DYRK4: variants seen among roughly 807,000 people sequenced by gnomAD.
DYRK4 encodes dual specificity tyrosine-phosphorylation-regulated kinase 4.
Under a neutral mutation model 68.3 loss-of-function variants are expected in DYRK4, and 64 were observed. The ratio of observed to expected loss-of-function variants is 0.94; its 90% CI spans 0.77 to 1.15. The LOEUF is 1.15. Among genes scored for constraint, DYRK4 ranks in the 50% most tolerant of loss-of-function variants. The pLI is 0.00. For missense variants in DYRK4, 740 were observed against 764.7 expected (o/e 0.97, Z 0.38); for synonymous variants, 274 against 289.9 (o/e 0.95, Z 0.56).
chr12:4,568,493 C>T lies in DYRK4; in HGVS notation c.132+445C>T, dbSNP rs560852224. Among the ~76,000 whole-genome samples the T allele has an allele frequency of 1.4e-4, 22 of 152,060 alleles. No individual in the cohort carries two copies. The South Asian group carries it at 4.1e-3, about 29-fold the overall frequency. On this transcript the variant is annotated intron_variant, in intron 2 of 14. Transcript: ENST00000543431. ...CTCCACCTCCTGGGTTCAAGCGATTCTCCTGCCTCAGCCTCCCAAGTAGCT... is the reference window on the plus strand; with the variant it reads ...CTCCACCTCCTGGGTTCAAGCGATTTTCCTGCCTCAGCCTCCCAAGTAGCT...
intron 2 of DYRK4, chr12:4,573,294 G>A (rs768929021): frequency 9.1e-5 from 117 of 1,288,954 alleles, no homozygotes; most frequent in Non-Finnish European, 1.2e-4. Context: ...GGGTCCTGAA[G>A]GAGAGTTTTA....
At chr12:4,599,322 G>A (rs1945054911) in intron 9 of DYRK4, among the ~76,000 whole-genome samples, 156 bp downstream of exon 9, 1 of 137,258 alleles carries the variant, frequency 7.3e-6, no homozygotes, top group Non-Finnish European at 1.5e-5. Context: ...AGTATATCAA[G>A]GGAGGGCATT....
chr12:4,603,047 C>T (rs1210077861), intron 10 of DYRK4: 1 of 1,047,048 alleles, frequency 9.6e-7, no homozygotes, highest in Non-Finnish European at 1.4e-6. Context: ...CATAATGTAT[C>T]ACCTTACTTC....
rs903523440 is a variant in DYRK4 at position 4,593,099 on chromosome 12, G to C, written c.561G>C (p.Lys187Asn). The C allele has an allele frequency of 4.3e-6, 7 of 1,614,194 alleles. No homozygotes were observed. Among genetic ancestry groups the C allele is most frequent in the East Asian group, 4.5e-5 (2 of 44,876 alleles). Residue 187 changes from lysine to asparagine, a missense_variant, in exon 6 of 15, where the codon AAG becomes AAC. This residue lies in a region of DYRK4 where 614 missense variants were observed against 603.7 expected (regional missense o/e 1.02). Coordinates refer to ENST00000543431, the MANE Select transcript of DYRK4 (RefSeq NM_001394779.1). ...GGTTCCTGGGTCTTGAAGCCAAGAA[G>C]CTCGACACGGCTCCTGAGAAATTTA... is the stretch of plus-strand genomic sequence containing the variant. Reference protein sequence around the residue: ...ELWFLGLEAKKLDTAPEKFSK... With the variant: ...ELWFLGLEAKNLDTAPEKFSK...
At position 4,593,822 on chromosome 12, in the gene DYRK4, C is replaced by T. The variant is rs534024280; in HGVS notation, c.627+657C>T. ...TGTGGGCTGTCAGGAATTTCCTCTT[C>T]GGAACATTTCATTGCAACTTGGATT... On this transcript the variant is annotated intron_variant, in intron 6 of 14. Coordinates refer to ENST00000543431, the MANE Select transcript of DYRK4 (RefSeq NM_001394779.1). 1.6e-4 allele frequency among the ~76,000 whole-genome samples: 25 copies of T among 152,262 alleles called. No homozygotes were observed. In the East Asian group the frequency reaches 3.5e-3, roughly 21 times the overall value.
At position 4,591,011 on chromosome 12, in the gene DYRK4, G is replaced by A. The variant is rs1169306430; in HGVS notation, c.325-149G>A. On this transcript the variant is annotated intron_variant, in intron 4 of 14. Coordinates refer to ENST00000543431, the MANE Select transcript of DYRK4 (RefSeq NM_001394779.1). The surrounding 1 kb of genome is among the most constrained non-coding windows in gnomAD (Gnocchi z 4.1). Reference sequence around the variant, plus strand: ...GCTTCCTTTGGGAGAGAGGTAGGGAGAACCTTCTGTCTCTTAATCGCTGTT... The same window carrying A: ...GCTTCCTTTGGGAGAGAGGTAGGGAAAACCTTCTGTCTCTTAATCGCTGTT... 2.2e-6 allele frequency: 2 copies of A among 900,788 alleles called. No homozygotes were observed. The highest frequency in any genetic ancestry group is 3.3e-6 in the Non-Finnish European group (2 of 606,988). 55.8% of individuals were successfully genotyped at this position (900,788 alleles called of 1,614,324 possible).
chr12:4,598,201 C>A (rs530580973), intron 8 of DYRK4, among the ~76,000 whole-genome samples: 2 of 152,268 alleles, frequency 1.3e-5, no homozygotes, highest in African/African-American at 4.8e-5. Context: ...CAGAGCAAGA[C>A]CCCATCTCTA....
At chr12:4,564,419 C>T (rs941593513) in intron 1 of DYRK4, 1 of 152,174 alleles carries the variant, frequency 6.6e-6, no homozygotes. Context: ...CACTGCCATA[C>T]TTTCTGCCCC....
intron 11 of DYRK4, among the ~76,000 whole-genome samples, chr12:4,605,998 C>A (rs977632081): frequency 1.2e-4 from 18 of 152,012 alleles, no homozygotes; most frequent in African/African-American, 4.4e-4. Flanking sequence ...ATGTTGAAAA[C>A]AAAGAATTGG....
rs182553128 is a variant in DYRK4 at position 4,599,730 on chromosome 12, G to A, written c.1068G>A (p.Lys356=). 5.6e-4 allele frequency: 906 copies of A among 1,613,998 alleles called. 5 individuals are homozygous for A. The highest frequency in any genetic ancestry group is 3.0e-3 in the Admixed American group (179 of 60,012). ...LKPENIVLYQ[K]GQASVKVIDF... ...AGGAAAATATAGTGCTATACCAAAAGGGCCAAGCCTCTGTTAAAGTCATTG... is the reference window on the plus strand; with the variant it reads ...AGGAAAATATAGTGCTATACCAAAAAGGCCAAGCCTCTGTTAAAGTCATTG... Residue 356 remains lysine, a synonymous_variant, in exon 10 of 15, where the codon AAG becomes AAA. Coordinates refer to ENST00000543431, the MANE Select transcript of DYRK4 (RefSeq NM_001394779.1).
chr12:4,612,841 GTTTT>G, intron 14 of DYRK4, 123 bp downstream of exon 14: 1 of 1,078,028 alleles, frequency 9.3e-7, no homozygotes, highest in Non-Finnish European at 1.4e-6. Flanking sequence ...TAAAATCTTT[GTTTT>G]TAATATTCTG....
intron 6 of DYRK4, among the ~76,000 whole-genome samples, chr12:4,594,756 G>T (rs1016308010): frequency 6.6e-6 from 1 of 150,468 alleles, no homozygotes; most frequent in Non-Finnish European, 1.5e-5. Context: ...GGGACAATGT[G>T]TGTTCTCCGT....
At chr12:4,605,954 G>A (rs990219527) in intron 11 of DYRK4, among the ~76,000 whole-genome samples, 2 of 151,928 alleles carry the variant, frequency 1.3e-5, no homozygotes, top group African/African-American at 4.8e-5. Context: ...CTAAAATTAT[G>A]TTTACCAGCC....
Position 4,591,326 on chromosome 12 carries a change from G to C in DYRK4, c.463+28G>C. On this transcript the variant is annotated intron_variant, in intron 5 of 14. Transcript: ENST00000543431. The surrounding 1 kb of genome is among the most constrained non-coding windows in gnomAD (Gnocchi z 4.1). Reference sequence around the variant, plus strand: ...ATGCCTTTGGGGCAGTAGCAGGGTGGGGAGGTGCTTATGGAAGGTCGGGGT... The same window carrying C: ...ATGCCTTTGGGGCAGTAGCAGGGTGCGGAGGTGCTTATGGAAGGTCGGGGT... 1 of 1,611,490 alleles carries C rather than the reference G, an allele frequency of 6.2e-7. No individual in the cohort carries two copies. The highest frequency in any genetic ancestry group is 1.1e-5 in the South Asian group (1 of 90,660).
chr12:4,608,869 C>A (rs1037874947), intron 12 of DYRK4, among the ~76,000 whole-genome samples: 1 of 152,324 alleles, frequency 6.6e-6, no homozygotes, highest in African/African-American at 2.4e-5. Flanking sequence ...AGCAATCTGG[C>A]GGTAGGCAAA....
rs776127534 is a variant in DYRK4 at position 4,596,305 on chromosome 12, T to C, written c.764+20T>C. ...GAAGAGGTGTGGCTTGGGGATGACA[T>C]AGGCCACAGAGGAGGGACTGCGTGA... On this transcript the variant is annotated intron_variant, in intron 7 of 14. Transcript: ENST00000543431. The C allele has an allele frequency of 3.0e-5, 49 of 1,613,852 alleles. No individual in the cohort carries two copies. Among genetic ancestry groups the C allele is most frequent in the Non-Finnish European group, 3.5e-5 (41 of 1,179,928 alleles).
intron 1 of DYRK4, among the ~76,000 whole-genome samples, chr12:4,564,983 G>C (rs937122480): frequency 6.6e-6 from 1 of 152,214 alleles, no homozygotes; most frequent in African/African-American, 2.4e-5. Context: ...CGAGGAAAGA[G>C]AGGAAGGGGA....
chr12:4,589,471 C>T lies in DYRK4; in HGVS notation c.213+454C>T, dbSNP rs182303673. On this transcript the variant is annotated intron_variant, in intron 3 of 14. Coordinates refer to ENST00000543431, the MANE Select transcript of DYRK4 (RefSeq NM_001394779.1). ...ACCCATTAACCATCCCCACCTCTCCCCTGACCACTACCCTTCCCAGCCTCT... is the reference window on the plus strand; with the variant it reads ...ACCCATTAACCATCCCCACCTCTCCTCTGACCACTACCCTTCCCAGCCTCT... 4.4e-4 allele frequency among the ~76,000 whole-genome samples: 67 copies of T among 152,284 alleles called. No individual in the cohort carries two copies. In the East Asian group the frequency reaches 6.0e-3, roughly 14 times the overall value.
chr12:4,568,962 C>A (rs1397192896), intron 2 of DYRK4, among the ~76,000 whole-genome samples: 1 of 152,244 alleles, frequency 6.6e-6, no homozygotes, highest in Non-Finnish European at 1.5e-5. Context: ...ACTTCTGAAT[C>A]CTGCCTGCAT....
Sources: gnomAD v4.1 joint callset for allele counts (sites outside exome capture counted in the v4.1 genomes callset) on GRCh38, gnomAD v4.1.1 for gene constraint, gnomAD v4.1.1 regional missense constraint, Gnocchi (gnomAD v3.1) non-coding constraint, MANE v1.5 for transcripts, NCBI Gene and HGNC (gene_info 2026-07-23, HGNC 2026-07-21) for gene names.